The following KCNT2 variants were observed in gnomAD, a reference collection of about 807,000 sequenced individuals.
KCNT2 encodes the protein potassium sodium-activated channel subfamily T member 2.
Under a neutral mutation model 153.8 loss-of-function variants are expected in KCNT2, and 67 were observed. The ratio of observed to expected loss-of-function variants is 0.44; its 90% CI spans 0.36 to 0.53. The LOEUF is 0.53. Among genes scored for constraint, KCNT2 ranks in the 20% least tolerant of loss-of-function variants. The pLI, the probability that KCNT2 is intolerant of heterozygous loss-of-function variation, is 0.00. For synonymous variants in KCNT2, 500 were observed against 458.8 expected (o/e 1.09, Z -1.15); for missense variants, 975 against 1,354.8 (o/e 0.72, Z 4.40).
chr1:196,461,430 T>C (rs1677145597), intron 8 of KCNT2, among the ~76,000 whole-genome samples: 1 of 151,746 alleles, frequency 6.6e-6, no homozygotes, highest in Non-Finnish European at 1.5e-5. Flanking sequence ...ATAATATAGT[T>C]TCTTATGTTA....
intron 25 of KCNT2, among the ~76,000 whole-genome samples, chr1:196,259,206 A>G (rs1426941393): frequency 6.6e-6 from 1 of 152,146 alleles, no homozygotes; most frequent in Admixed American, 6.5e-5. Context: ...ACTCAGACTT[A>G]AAACAGGCTG....
chr1:196,510,488 T>C (rs867860944), intron 1 of KCNT2, among the ~76,000 whole-genome samples: 15 of 152,308 alleles, frequency 9.8e-5, no homozygotes, highest in African/African-American at 3.6e-4. Context: ...TTTTTCTGAT[T>C]ATAACACACA....
At chr1:196,501,781 T>C (rs1480187251) in intron 1 of KCNT2, among the ~76,000 whole-genome samples, 3 of 152,102 alleles carry the variant, frequency 2.0e-5, no homozygotes, top group Admixed American at 2.0e-4. Context: ...AGAAGGCTTG[T>C]AAAAAATAAA....
chr1:196,340,115 G>A (rs1324722016), intron 16 of KCNT2, among the ~76,000 whole-genome samples: 1 of 151,890 alleles, frequency 6.6e-6, no homozygotes, highest in African/African-American at 2.4e-5. Flanking sequence ...CTCTGGAATA[G>A]GTAGTATTAT....
chr1:196,349,742 A>G (rs1362410215), intron 14 of KCNT2, among the ~76,000 whole-genome samples: 2 of 151,812 alleles, frequency 1.3e-5, no homozygotes, highest in Non-Finnish European at 2.9e-5. Context: ...GTTTTAGGGT[A>G]CATGTGCACA....
chr1:196,288,857 G>A (rs930231779), intron 22 of KCNT2, among the ~76,000 whole-genome samples: 1 of 152,004 alleles, frequency 6.6e-6, no homozygotes, highest in East Asian at 1.9e-4. Context: ...GATCATACAG[G>A]CAATACAACA....
chr1:196,398,488 T>C (rs549967783), intron 13 of KCNT2, 75 bp downstream of exon 13: 7 of 708,266 alleles, frequency 9.9e-6, no homozygotes, highest in African/African-American at 9.0e-5. Flanking sequence ...TGCCACTTAG[T>C]TCAGAGACTT....
chr1:196,443,267 C>A (rs10754186), intron 8 of KCNT2, among the ~76,000 whole-genome samples: 136,415 of 151,478 alleles, frequency 0.9, 63,154 homozygotes, highest in East Asian at 1. Flanking sequence ...TGCATTTAAA[C>A]GTTGTAATGA....
intron 13 of KCNT2, among the ~76,000 whole-genome samples, chr1:196,394,100 A>G (rs1670717111): frequency 6.6e-6 from 1 of 151,272 alleles, no homozygotes; most frequent in South Asian, 2.1e-4. Context: ...TTCACAAGAA[A>G]GAATCTTTAA....
At chr1:196,422,563 G>A (rs2148518707) in intron 12 of KCNT2, among the ~76,000 whole-genome samples, 1 of 151,988 alleles carries the variant, frequency 6.6e-6, no homozygotes, top group African/African-American at 2.4e-5. Context: ...TAAGCCAAAG[G>A]TTACCAAACT....
At chr1:196,324,733 T>A (rs1051924699) in intron 19 of KCNT2, among the ~76,000 whole-genome samples, 1 of 152,080 alleles carries the variant, frequency 6.6e-6, no homozygotes, top group Non-Finnish European at 1.5e-5. Context: ...GCCACATCTA[T>A]ATTTATAGAG....
At chr1:196,310,637 T>C (rs1345520425) in intron 21 of KCNT2, among the ~76,000 whole-genome samples, 2 of 151,842 alleles carry the variant, frequency 1.3e-5, no homozygotes, top group African/African-American at 4.8e-5. Flanking sequence ...TATGACTACT[T>C]GTGCCAATCT....
At chr1:196,390,740 T>C (rs1389930041) in intron 13 of KCNT2, among the ~76,000 whole-genome samples, 2 of 151,414 alleles carry the variant, frequency 1.3e-5, no homozygotes, top group African/African-American at 4.8e-5. Context: ...TGTACACACA[T>C]GGATGCATAC....
intron 13 of KCNT2, among the ~76,000 whole-genome samples, chr1:196,373,631 T>C (rs866324987): frequency 4.6e-5 from 7 of 151,990 alleles, no homozygotes; most frequent in African/African-American, 7.2e-5. Flanking sequence ...GATAATTCTA[T>C]AGTATAAAAT....
intron 27 of KCNT2, among the ~76,000 whole-genome samples, 190 bp downstream of exon 27, chr1:196,235,796 C>CT (rs1172864184): frequency 2.0e-5 from 3 of 151,330 alleles, no homozygotes; most frequent in African/African-American, 7.3e-5. Flanking sequence ...TTTTATACTG[C>CT]TTTTAAACAA....
At chr1:196,236,125 A>C in intron 26 of KCNT2, 55 bp from the exon 27 acceptor site, 1 of 936,946 alleles carries the variant, frequency 1.1e-6, no homozygotes, top group South Asian at 1.3e-5. Flanking sequence ...AATTACAGGA[A>C]TTACTAGTGA....
At chr1:196,457,018 G>A (rs1676730434) in intron 8 of KCNT2, among the ~76,000 whole-genome samples, 1 of 151,774 alleles carries the variant, frequency 6.6e-6, no homozygotes, top group South Asian at 2.1e-4. Context: ...TCTCAACTGA[G>A]ATCCCAATCA....
intron 24 of KCNT2, among the ~76,000 whole-genome samples, chr1:196,281,225 T>C (rs1355600084): frequency 6.6e-6 from 1 of 152,188 alleles, no homozygotes; most frequent in South Asian, 2.1e-4. Context: ...CCAAGTAATA[T>C]TTCATGCTTA....
At chr1:196,452,212 A>G (rs1676275888) in intron 8 of KCNT2, among the ~76,000 whole-genome samples, 1 of 151,996 alleles carries the variant, frequency 6.6e-6, no homozygotes, top group Admixed American at 6.6e-5. Context: ...TCATGTTTCC[A>G]GTAATATCAC....
Sources: gnomAD v4.1 joint callset for allele counts (sites outside exome capture counted in the v4.1 genomes callset) on GRCh38, gnomAD v4.1.1 for gene constraint, MANE v1.5 for transcripts, NCBI Gene and HGNC (gene_info 2026-07-23, HGNC 2026-07-21) for gene names.